Variants in EVA1C observed in about 807,000 individuals in gnomAD.
The protein encoded by EVA1C is eva-1 homolog C, also known as protein eva-1 homolog C.
EVA1C carries 25 observed loss-of-function variants against 45.4 expected under a neutral mutation model. That is an observed-to-expected ratio of 0.55 (90% CI 0.40 to 0.77). The LOEUF is 0.77. Among genes scored for constraint, EVA1C ranks in the 30% least tolerant of loss-of-function variants. The probability of loss-of-function intolerance (pLI) is 0.00; values close to 1 mark genes in which losing one functional copy is unlikely to be tolerated. For missense variants in EVA1C, 479 were observed against 554.8 expected (o/e 0.86, Z 1.37); for synonymous variants, 190 against 221.2 (o/e 0.86, Z 1.25).
chr21:32,425,971 T>G (rs1336278123), intron 1 of EVA1C, among the ~76,000 whole-genome samples: 3 of 152,100 alleles, frequency 2.0e-5, no homozygotes, highest in Non-Finnish European at 4.4e-5. Context: ...ACTTTTTTTT[T>G]TTAAATCAGA....
rs535765647 is a variant in EVA1C at position 32,466,030 on chromosome 21, G to T, written c.482-1666G>T. Among the ~76,000 whole-genome samples the T allele has an allele frequency of 2.6e-5, 4 of 152,248 alleles. No individual in the cohort carries two copies. In the South Asian group the frequency reaches 8.3e-4, roughly 32 times the overall value. ...TCAGGCACCCACTCATCTACATTCTGCCTCTAAAGGTTTGCCTCCTCTGAA... is the reference window on the plus strand; with the variant it reads ...TCAGGCACCCACTCATCTACATTCTTCCTCTAAAGGTTTGCCTCCTCTGAA... On this transcript the variant is annotated intron_variant, in intron 3 of 7. Coordinates refer to ENST00000300255, the MANE Select transcript of EVA1C (RefSeq NM_058187.5).
rs2034906640 is a variant in EVA1C at position 32,435,424 on chromosome 21, C to T, written c.161-17888C>T. ...CACAGTTCCTGCCTCAGTAGCCCCT[C>T]CTGAGCCTCAGCCACCACCTGTGCT... On this transcript the variant is annotated intron_variant, in intron 1 of 7. Transcript: ENST00000300255. Among the ~76,000 whole-genome samples the T allele has an allele frequency of 2.6e-5, 4 of 152,242 alleles. No individual in the cohort carries two copies. In the South Asian group the frequency reaches 8.3e-4, roughly 32 times the overall value.
At chr21:32,495,477 AGACCAGTGATTTTCATCTGG>A (rs1256161610) in intron 5 of EVA1C, among the ~76,000 whole-genome samples, 1 of 152,190 alleles carries the variant, frequency 6.6e-6, no homozygotes, top group Non-Finnish European at 1.5e-5. Context: ...GATGTCACTG[AGACCAGTGATTTTCATCTGG>A]GAAAATTTAT....
intron 1 of EVA1C, among the ~76,000 whole-genome samples, chr21:32,419,469 C>G (rs551195600): frequency 6.6e-6 from 1 of 152,334 alleles, no homozygotes; most frequent in East Asian, 1.9e-4. Flanking sequence ...AATCCCAACA[C>G]TTTGGGAGGC....
intron 3 of EVA1C, among the ~76,000 whole-genome samples, chr21:32,459,834 G>A (rs1423024310): frequency 1.9e-4 from 20 of 102,894 alleles, no homozygotes; most frequent in African/African-American, 7.0e-4. Context: ...GAGCGAGACT[G>A]TCTCAAAAAA....
At chr21:32,471,133 T>C (rs2036355406) in intron 4 of EVA1C, among the ~76,000 whole-genome samples, 1 of 152,092 alleles carries the variant, frequency 6.6e-6, no homozygotes, top group Non-Finnish European at 1.5e-5. Context: ...TATTATATGG[T>C]TCCTTAGCTG....
intron 3 of EVA1C, among the ~76,000 whole-genome samples, chr21:32,459,856 A>C (rs1021763952): frequency 2.6e-5 from 4 of 151,872 alleles, no homozygotes; most frequent in Admixed American, 2.0e-4. Context: ...AAAAAAAAAA[A>C]AAAGCGGCCC....
At chr21:32,492,659 C>A (rs1009941837) in intron 4 of EVA1C, among the ~76,000 whole-genome samples, 1 of 151,884 alleles carries the variant, frequency 6.6e-6, no homozygotes, top group African/African-American at 2.4e-5. Context: ...CAGATTTGAG[C>A]CTTTTCTTCA....
intron 1 of EVA1C, among the ~76,000 whole-genome samples, chr21:32,439,262 A>G (rs1438292995): frequency 6.8e-6 from 1 of 147,946 alleles, no homozygotes; most frequent in African/African-American, 2.6e-5. Context: ...TGGGGCAATC[A>G]GAAGCGACCA....
At chr21:32,462,241 A>AC (rs1568910308) in intron 3 of EVA1C, among the ~76,000 whole-genome samples, 1 of 148,994 alleles carries the variant, frequency 6.7e-6, no homozygotes, top group African/African-American at 2.5e-5. Context: ...AAAAAAAAAA[A>AC]CAATTAGCAG....
intron 1 of EVA1C, among the ~76,000 whole-genome samples, chr21:32,439,443 T>A (rs541856124): frequency 6.6e-6 from 1 of 152,218 alleles, no homozygotes; most frequent in African/African-American, 2.4e-5. Flanking sequence ...ATGATTACCG[T>A]GTGGACGCCC....
At chr21:32,496,596 G>A (rs1391538834) in intron 5 of EVA1C, among the ~76,000 whole-genome samples, 5 of 152,200 alleles carry the variant, frequency 3.3e-5, no homozygotes, top group Admixed American at 3.3e-4. Flanking sequence ...AGGCCAAAAA[G>A]GTCACTTTGA....
At chr21:32,445,001 C>T (rs2035314857) in intron 1 of EVA1C, among the ~76,000 whole-genome samples, 2 of 152,100 alleles carry the variant, frequency 1.3e-5, no homozygotes, top group South Asian at 4.1e-4. Flanking sequence ...ATGAAAATGA[C>T]CAAGGCAAGT....
chr21:32,478,058 G>A (rs1259793654), intron 4 of EVA1C, among the ~76,000 whole-genome samples: 1 of 147,514 alleles, frequency 6.8e-6, no homozygotes, highest in Non-Finnish European at 1.5e-5. Flanking sequence ...CTGCACAAAC[G>A]CACGAATTCC....
At chr21:32,467,024 C>T (rs1050107082) in intron 3 of EVA1C, among the ~76,000 whole-genome samples, 25 of 151,920 alleles carry the variant, frequency 1.6e-4, no homozygotes, top group African/African-American at 5.8e-4. Flanking sequence ...TCATATATTC[C>T]CAGGTACTTG....
chr21:32,414,838 C>T (rs1340204677), intron 1 of EVA1C, among the ~76,000 whole-genome samples: 1 of 152,138 alleles, frequency 6.6e-6, no homozygotes, highest in East Asian at 1.9e-4. Flanking sequence ...TGATGCTCTC[C>T]AGAGATCTGA....
chr21:32,465,789 C>T (rs569128794), intron 3 of EVA1C, among the ~76,000 whole-genome samples: 115 of 152,320 alleles, frequency 7.5e-4, no homozygotes, highest in African/African-American at 2.7e-3. Flanking sequence ...TGAGCCACCA[C>T]ACCCAGCCGT....
intron 2 of EVA1C, among the ~76,000 whole-genome samples, chr21:32,456,537 G>C (rs2035790011): frequency 6.6e-6 from 1 of 152,186 alleles, no homozygotes; most frequent in Non-Finnish European, 1.5e-5. Flanking sequence ...AGACACATCT[G>C]CTGGGCCCCT....
chr21:32,513,338 G>T (rs145576399), intron 7 of EVA1C, among the ~76,000 whole-genome samples: 7,962 of 148,000 alleles, frequency 0.054, 247 homozygotes, highest in South Asian at 0.077. Context: ...CACCACACCC[G>T]GCTAGTTTTT....
Sources: gnomAD v4.1 joint callset for allele counts (sites outside exome capture counted in the v4.1 genomes callset) on GRCh38, gnomAD v4.1.1 for gene constraint, MANE v1.5 for transcripts, NCBI Gene and HGNC (gene_info 2026-07-23, HGNC 2026-07-21) for gene names.